ARFGEF3: variants seen among roughly 807,000 people sequenced by gnomAD.
The protein encoded by ARFGEF3 is brefeldin A-inhibited guanine nucleotide-exchange protein 3.
In ARFGEF3, 96 loss-of-function variants were observed where a neutral mutation model predicts 221.7. That is an observed-to-expected ratio of 0.43 (90% CI 0.37 to 0.51). The LOEUF is 0.51. Among genes scored for constraint, ARFGEF3 ranks in the 20% least tolerant of loss-of-function variants. The probability of loss-of-function intolerance (pLI) is 0.00; values close to 1 mark genes in which losing one functional copy is unlikely to be tolerated. For missense variants in ARFGEF3, 2,410 were observed against 2,789.9 expected, an observed-to-expected ratio of 0.86 and a Z score of 3.07; for synonymous variants, 1,145 against 1,126.8, an observed-to-expected ratio of 1.02 and a Z score of -0.32.
At position 138,245,577 on chromosome 6, in the gene ARFGEF3, G is replaced by T. The variant is rs1349731356; in HGVS notation, c.651G>T (p.Leu217=). 2 of 1,607,252 alleles carry T rather than the reference G, an allele frequency of 1.2e-6. No homozygotes were observed. The highest frequency in any genetic ancestry group is 3.4e-5 in the Admixed American group (2 of 59,158). ...TACTCACCGTCCTGTGTGAGAAGCT[G>T]CAAGCCGCCATAAAGTAAGTGCCCT... ...VSVLTVLCEK[L]QAAINDSQQL... is the part of the protein sequence containing the mutation. The change falls in exon 8 of 34, where the codon CTG becomes CTT. Residue 217 remains leucine, a synonymous_variant. Coordinates refer to ENST00000251691, the MANE Select transcript of ARFGEF3 (RefSeq NM_020340.5).
chr6:138,174,932 G>A (rs992770215), intron 2 of ARFGEF3, among the ~76,000 whole-genome samples: 1 of 152,286 alleles, frequency 6.6e-6, no homozygotes, highest in Admixed American at 6.5e-5. Context: ...ATCCTTGAGA[G>A]ACCTATGTTG....
intron 14 of ARFGEF3, among the ~76,000 whole-genome samples, chr6:138,280,522 G>C (rs1041687672): frequency 7.9e-5 from 12 of 152,146 alleles, no homozygotes; most frequent in African/African-American, 2.9e-4. Flanking sequence ...AGTGTTCTTG[G>C]GGTTTACCAA....
intron 2 of ARFGEF3, among the ~76,000 whole-genome samples, chr6:138,173,687 G>C (rs903285923): frequency 1.5e-4 from 23 of 152,166 alleles, no homozygotes; most frequent in African/African-American, 5.5e-4. Flanking sequence ...ACATATTTTT[G>C]GTTCTCCTTT....
intron 4 of ARFGEF3, among the ~76,000 whole-genome samples, chr6:138,220,813 C>G (rs73774691): frequency 6.6e-6 from 1 of 152,200 alleles, no homozygotes; most frequent in African/African-American, 2.4e-5. Context: ...AGTTTGTTCT[C>G]CATAAGGGTT....
At chr6:138,220,245 T>C (rs575828173) in intron 4 of ARFGEF3, among the ~76,000 whole-genome samples, 65 of 152,250 alleles carry the variant, frequency 4.3e-4, no homozygotes, top group African/African-American at 1.5e-3. Flanking sequence ...TCAAACAATC[T>C]ATCTGCCTTG....
chr6:138,304,131 T>C (rs1015254059), intron 22 of ARFGEF3, among the ~76,000 whole-genome samples: 6 of 152,236 alleles, frequency 3.9e-5, no homozygotes, highest in African/African-American at 1.4e-4. Flanking sequence ...TACATTAAAT[T>C]AGGTTATGTC....
At chr6:138,228,056 C>A (rs116887588) in intron 4 of ARFGEF3, among the ~76,000 whole-genome samples, 2,012 of 152,260 alleles carry the variant, frequency 0.013, 30 homozygotes, top group Middle Eastern at 0.058. Flanking sequence ...TCCCTCCCTA[C>A]CTACCAAATC....
intron 26 of ARFGEF3, 84 bp downstream of exon 26, chr6:138,314,023 C>G: frequency 7.2e-7 from 1 of 1,390,232 alleles, no homozygotes; most frequent in Non-Finnish European, 9.9e-7. Flanking sequence ...GTACCTTAAG[C>G]TTCTGGGAAT....
At chr6:138,243,043 A>G in intron 7 of ARFGEF3, 49 bp downstream of exon 7, 1 of 1,445,634 alleles carries the variant, frequency 6.9e-7, no homozygotes, top group South Asian at 1.2e-5. Context: ...AGGTGTGAGA[A>G]TGCCTACTGT....
chr6:138,185,016 A>C (rs1562345733), intron 2 of ARFGEF3, among the ~76,000 whole-genome samples: 1 of 152,140 alleles, frequency 6.6e-6, no homozygotes, highest in Non-Finnish European at 1.5e-5. Context: ...TTGCTTGCCT[A>C]CCCAACATCC....
rs374251138 is a variant in ARFGEF3 at position 138,262,841 on chromosome 6, T to A, written c.1358T>A (p.Leu453Gln). 1.1e-5 allele frequency: 17 copies of A among 1,614,024 alleles called. No individual in the cohort carries two copies. In the African/African-American group the frequency reaches 1.2e-4, roughly 11 times the overall value. ...GKGLSEGQVQ[L>Q]LLLRLEELKD... ...GGCTTGAGCGAAGGTCAGGTGCAAC[T>A]GCTGCTTCTGCGCCTTGAGGAGCTG... Residue 453 changes from leucine to glutamine, a missense_variant, in exon 12 of 34, where the codon CTG becomes CAG. By Grantham distance (113) the Leu-to-Gln change is moderately radical. Transcript: ENST00000251691.
At chr6:138,320,009 G>C (rs974087631) in intron 28 of ARFGEF3, 130 bp downstream of exon 28, 26 of 756,112 alleles carry the variant, frequency 3.4e-5, no homozygotes, top group Non-Finnish European at 5.2e-5. Flanking sequence ...TATTAAAATA[G>C]AACAACATGG....
chr6:138,286,449 C>CA (rs960871572), intron 15 of ARFGEF3, among the ~76,000 whole-genome samples: 1,196 of 55,686 alleles, frequency 0.021, 10 homozygotes, highest in African/African-American at 0.044. Context: ...GACTCCGTCT[C>CA]AAAAAAAAAA....
intron 17 of ARFGEF3, among the ~76,000 whole-genome samples, chr6:138,289,030 T>G (rs932964414): frequency 6.6e-6 from 1 of 152,210 alleles, no homozygotes; most frequent in East Asian, 1.9e-4. Context: ...CTCGGCTTAC[T>G]GCAATCTCCG....
intron 22 of ARFGEF3, 101 bp from the exon 23 acceptor site, chr6:138,307,152 T>C: frequency 8.1e-7 from 1 of 1,241,926 alleles, no homozygotes; most frequent in Non-Finnish European, 1.1e-6. Flanking sequence ...TTCACTAAAA[T>C]TAACTCCAAA....
Position 138,311,391 on chromosome 6 carries a change from C to T in ARFGEF3, c.4097-16C>T, listed in dbSNP as rs1198816851. ...AGGGTAACACTGTTGGTCTCTGTCT[C>T]CCGTGCCGCCCCTAGGGGAGGTGGA... On this transcript the variant is annotated splice_polypyrimidine_tract_variant and intron_variant, in intron 24 of 33. Coordinates refer to ENST00000251691, the MANE Select transcript of ARFGEF3 (RefSeq NM_020340.5). 3 of 1,564,488 alleles carry T rather than the reference C, an allele frequency of 1.9e-6. No homozygotes were observed. Among genetic ancestry groups the T allele is most frequent in the Non-Finnish European group, 2.6e-6 (3 of 1,147,210 alleles).
At position 138,263,631 on chromosome 6, in the gene ARFGEF3, C is replaced by A; in HGVS notation, c.2128+20C>A. The A allele has an allele frequency of 6.4e-7, 1 of 1,568,584 alleles. No individual in the cohort carries two copies. Among genetic ancestry groups the A allele is most frequent in the South Asian group, 1.2e-5 (1 of 86,380 alleles). On this transcript the variant is annotated intron_variant, in intron 12 of 33. Transcript: ENST00000251691. The stretch of plus-strand genomic sequence containing the variant: ...GCTCAGGTTTGTAAACAATTCTCTG[C>A]TGTATAGTCAACAAGATTATTCAGA...
chr6:138,283,361 A>G (rs1779231207), intron 14 of ARFGEF3, among the ~76,000 whole-genome samples: 1 of 152,270 alleles, frequency 6.6e-6, no homozygotes, highest in Admixed American at 6.5e-5. Context: ...TCCCATATTC[A>G]TCAGTCATCA....
At chr6:138,201,371 CAT>C (rs1368958299) in intron 2 of ARFGEF3, among the ~76,000 whole-genome samples, 4 of 152,188 alleles carry the variant, frequency 2.6e-5, no homozygotes, top group African/African-American at 9.7e-5. Flanking sequence ...CTTGCACACA[CAT>C]GTTTATAGCA....
Sources: allele counts gnomAD v4.1 joint callset (sites outside exome capture counted in the v4.1 genomes callset), GRCh38; gene constraint gnomAD v4.1.1; transcripts MANE v1.5; gene names NCBI Gene and HGNC (gene_info 2026-07-23, HGNC 2026-07-21).